RACK1: variants seen among roughly 807,000 people sequenced by gnomAD.
RACK1 encodes receptor for activated C kinase 1.
A neutral mutation model predicts 42.2 loss-of-function variants in RACK1; 3 were observed. The ratio of observed to expected loss-of-function variants is 0.07; its 90% CI spans 0.03 to 0.18. The LOEUF (loss-of-function observed/expected upper bound fraction) is 0.18. Ranked by LOEUF, RACK1 falls within the 10% of genes least tolerant of loss-of-function variation. The pLI, the probability that RACK1 is intolerant of heterozygous loss-of-function variation, is 1.00. For missense variants in RACK1, 146 were observed against 403.2 expected (o/e 0.36, Z 5.46); for synonymous variants, 181 against 154.8 (o/e 1.17, Z -1.25).
Position 181,243,818 on chromosome 5 carries a change from G to C in RACK1, c.-18C>G, listed in dbSNP as rs369560198. The C allele has an allele frequency of 3.1e-6, 5 of 1,591,710 alleles. No homozygotes were observed. Among genetic ancestry groups the C allele is most frequent in the African/African-American group, 2.7e-5 (2 of 74,468 alleles). On this transcript the variant is annotated 5_prime_UTR_variant, in exon 1 of 8. Transcript: ENST00000512805. Reference sequence around the variant, plus strand: ...TCAGTCATGGCGGCGGCGAGAGCGTGTGTCGCTGCAGCGACGAGGATGGCA... The same window carrying C: ...TCAGTCATGGCGGCGGCGAGAGCGTCTGTCGCTGCAGCGACGAGGATGGCA...
intron 1 of RACK1, 22 bp from the exon 2 acceptor site, chr5:181,242,367 A>G (rs1178061069): frequency 6.3e-7 from 1 of 1,578,152 alleles, no homozygotes; most frequent in Non-Finnish European, 8.7e-7. Context: ...AAAACAGAAG[A>G]AAAATCAGTG....
intron 7 of RACK1, 104 bp from the exon 8 acceptor site, chr5:181,237,146 A>G (rs1213778990): frequency 6.4e-7 from 1 of 1,565,646 alleles, no homozygotes. Flanking sequence ...ACCTTGCTCC[A>G]TTGTCTAGGC....
At chr5:181,239,972 G>A (rs1038762789) in intron 3 of RACK1, among the ~76,000 whole-genome samples, 5 of 152,176 alleles carry the variant, frequency 3.3e-5, no homozygotes, top group African/African-American at 1.2e-4. Context: ...TTAAACCCAG[G>A]AAGCGAAGGG....
chr5:181,242,167 T>G lies in RACK1; in HGVS notation c.281+7A>C. 6.2e-7 allele frequency: 1 copy of G among 1,609,468 alleles called. No homozygotes were observed. The highest frequency in any genetic ancestry group is 1.1e-5 in the South Asian group (1 of 90,644). ...AAGGCCCCAGAGCTAAGTGAGCAGC[T>G]ACTTGCGTTGTGAGATCCCAGAGGC... On this transcript the variant is annotated splice_region_variant and intron_variant, in intron 2 of 7. Coordinates refer to ENST00000512805, the MANE Select transcript of RACK1 (RefSeq NM_006098.5).
At chr5:181,243,500 A>T (rs1183943217) in intron 1 of RACK1, 192 bp downstream of exon 1, 3 of 1,433,884 alleles carry the variant, frequency 2.1e-6, no homozygotes, top group Non-Finnish European at 2.8e-6. Context: ...TCTCATCTGC[A>T]ATGTGGTTCG....
chr5:181,243,860 A>C lies in RACK1; in HGVS notation c.-60T>G. 1 of 1,529,266 alleles carries C rather than the reference A, an allele frequency of 6.5e-7. No homozygotes were observed. Among genetic ancestry groups the C allele is most frequent in the Non-Finnish European group, 8.8e-7 (1 of 1,134,760 alleles). 94.7% of individuals were successfully genotyped at this position (1,529,266 alleles called of 1,614,324 possible). On this transcript the variant is annotated 5_prime_UTR_variant, in exon 1 of 8. Transcript: ENST00000512805. ...AGGATGGCACTGGATGGCTTAGAGA[A>C]ACTAGCACCACAACCTCTCCTGCCG...
At position 181,236,973 on chromosome 5, in the gene RACK1, ACTT is replaced by A. The variant is rs1353925364; in HGVS notation, c.*1_*3del. The stretch of plus-strand genomic sequence containing the variant: ...TTTTATTTGTAAAGCTCTGCCATAA[ACTT>A]CTAGCGTGTGCCAATGGTCACCTGC... On this transcript the variant is annotated 3_prime_UTR_variant, in exon 8 of 8. Transcript: ENST00000512805. 3.1e-6 allele frequency: 5 copies of A among 1,599,112 alleles called. No individual in the cohort carries two copies. The highest frequency in any genetic ancestry group is 2.6e-6 in the Non-Finnish European group (3 of 1,175,318).
chr5:181,238,401 T>G lies in RACK1; in HGVS notation c.637-162A>C, dbSNP rs555899656. On this transcript the variant is annotated intron_variant, in intron 5 of 7. Coordinates refer to ENST00000512805, the MANE Select transcript of RACK1 (RefSeq NM_006098.5). Reference sequence around the variant, plus strand: ...ACCAATATTTATCTCTGTATACCTTTCCTTTAACGTAAGACCTTACCAACC... The same window carrying G: ...ACCAATATTTATCTCTGTATACCTTGCCTTTAACGTAAGACCTTACCAACC... 3 of 667,262 alleles carry G rather than the reference T, an allele frequency of 4.5e-6. No homozygotes were observed. In the African/African-American group the frequency reaches 5.5e-5, roughly 12 times the overall value. The allele number at this position is 667,262 out of a possible 1,614,324, so 41.3% of individuals were successfully genotyped here. A position where few individuals can be genotyped will look rare whatever the true frequency, so the allele number is the denominator to read the frequency against.
At chr5:181,238,005 C>T (rs961357903) in intron 6 of RACK1, 94 bp downstream of exon 6, 16 of 1,370,984 alleles carry the variant, frequency 1.2e-5, no homozygotes, top group African/African-American at 1.4e-5. Flanking sequence ...AAGCTTAGCT[C>T]CCAGGTGGGA....
At chr5:181,242,098 A>C (rs990438592) in intron 2 of RACK1, 76 bp downstream of exon 2, 2 of 1,332,986 alleles carry the variant, frequency 1.5e-6, no homozygotes, top group Admixed American at 3.7e-5. Context: ...TCCCCTGGGA[A>C]ACCAGCCAAT....
chr5:181,240,726 G>A (rs1012354055), intron 3 of RACK1, among the ~76,000 whole-genome samples: 1 of 152,132 alleles, frequency 6.6e-6, no homozygotes, highest in African/African-American at 2.4e-5. Flanking sequence ...AATAGATGGG[G>A]TCTCACTATG....
intron 1 of RACK1, chr5:181,243,121 C>T (rs1759414494): frequency 2.0e-6 from 1 of 509,636 alleles, no homozygotes; most frequent in African/African-American, 2.0e-5. Flanking sequence ...GATTAACAGC[C>T]AGACATGATT....
chr5:181,239,671 C>T, intron 3 of RACK1, 89 bp from the exon 4 acceptor site: 2 of 764,132 alleles, frequency 2.6e-6, no homozygotes, highest in Middle Eastern at 3.8e-4. Context: ...AGGATGATGG[C>T]TGGCAGCACC....
At chr5:181,242,472 GA>G (rs1469818245) in intron 1 of RACK1, 127 bp from the exon 2 acceptor site, 2 of 684,038 alleles carry the variant, frequency 2.9e-6, no homozygotes, top group Admixed American at 2.3e-5. Context: ...AGGAGGGATG[GA>G]AACAACAGAC....
At chr5:181,239,226 T>C (rs1302823604) in intron 4 of RACK1, 49 bp from the exon 5 acceptor site, 4 of 1,268,800 alleles carry the variant, frequency 3.2e-6, no homozygotes, top group African/African-American at 2.9e-5. Flanking sequence ...CTTGATGAGC[T>C]AGGGTCAGGC....
At chr5:181,242,370 A>G (rs2287715) in intron 1 of RACK1, 25 bp from the exon 2 acceptor site, 450,972 of 1,563,614 alleles carry the variant, frequency 0.29, 73,576 homozygotes, top group African/African-American at 0.71. Context: ...ACAGAAGAAA[A>G]ATCAGTGAGG....
At chr5:181,241,461 G>A in intron 3 of RACK1, 31 bp downstream of exon 3, 1 of 1,533,160 alleles carries the variant, frequency 6.5e-7, no homozygotes. Context: ...TTAAGAGGGT[G>A]GAAGAGATCC....
chr5:181,239,013 C>T, intron 5 of RACK1, 54 bp downstream of exon 5: 1 of 1,150,640 alleles, frequency 8.7e-7, no homozygotes, highest in Non-Finnish European at 1.3e-6. Context: ...TGGCTAAGTG[C>T]TCCTTCCATG....
rs1395667419 is a variant in RACK1, at chr5:181,241,500, T to C, written c.421A>G (p.Thr141Ala). The change falls in exon 3 of 8, where the codon ACT (threonine) becomes GCT (alanine). Residue 141 changes from threonine to alanine, a missense_variant. Physicochemically the swap from Thr to Ala is moderately conservative, Grantham distance 58 (BLOSUM62 0). Coordinates refer to ENST00000512805, the MANE Select transcript of RACK1 (RefSeq NM_006098.5). ...LWNTLGVCKY[T>A]VQDESHSEWV... ...GAGATGGCTCACTTTACCTGGACAG[T>C]GTATTTGCACACACCCAGGGTATTC... The C allele has an allele frequency of 6.2e-7, 1 of 1,610,924 alleles. No individual in the cohort carries two copies. Among genetic ancestry groups the C allele is most frequent in the Non-Finnish European group, 8.5e-7 (1 of 1,179,224 alleles).
Sources: gnomAD v4.1 joint callset for allele counts (sites outside exome capture counted in the v4.1 genomes callset) on GRCh38, gnomAD v4.1.1 for gene constraint, MANE v1.5 for transcripts, NCBI Gene and HGNC (gene_info 2026-07-23, HGNC 2026-07-21) for gene names.